GRIK1: variants seen among roughly 807,000 people sequenced by gnomAD.
GRIK1 encodes the protein glutamate ionotropic receptor kainate type subunit 1.
GRIK1 carries 69 observed loss-of-function variants against 105.7 expected under a neutral mutation model. That is an observed-to-expected ratio of 0.65 (90% confidence interval 0.54 to 0.80). The LOEUF is 0.80. Among genes scored for constraint, GRIK1 ranks in the 30% least tolerant of loss-of-function variants. GRIK1 has a pLI of 0.00. For synonymous variants in GRIK1, 438 were observed against 431.3 expected, an observed-to-expected ratio of 1.02 and a Z score of -0.19; for missense variants, 1,109 against 1,167.3, an observed-to-expected ratio of 0.95 and a Z score of 0.73.
intron 1 of GRIK1, among the ~76,000 whole-genome samples, chr21:29,844,414 T>A (rs1265545019): frequency 6.6e-6 from 1 of 152,186 alleles, no homozygotes; most frequent in Non-Finnish European, 1.5e-5. Flanking sequence ...AAGTTTTGAC[T>A]GCTGATTTGT....
At chr21:29,889,198 G>A (rs1277505765) in intron 1 of GRIK1, among the ~76,000 whole-genome samples, 2 of 152,116 alleles carry the variant, frequency 1.3e-5, no homozygotes, top group African/African-American at 4.8e-5. Flanking sequence ...TGAATAAAAT[G>A]CATGGACAAG....
At chr21:29,668,169 T>C (rs959586730) in intron 4 of GRIK1, among the ~76,000 whole-genome samples, 1 of 152,164 alleles carries the variant, frequency 6.6e-6, no homozygotes, top group African/African-American at 2.4e-5. Flanking sequence ...TAGTAGGTGC[T>C]AGGGATTTGG....
chr21:29,642,546 T>C (rs1366606554), intron 7 of GRIK1, among the ~76,000 whole-genome samples: 2 of 152,200 alleles, frequency 1.3e-5, no homozygotes, highest in Non-Finnish European at 2.9e-5. Flanking sequence ...CTTATGGACA[T>C]GTGTGGAGAG....
chr21:29,713,219 T>C (rs1163851575), intron 1 of GRIK1, among the ~76,000 whole-genome samples: 1 of 152,202 alleles, frequency 6.6e-6, no homozygotes, highest in Admixed American at 6.6e-5. Flanking sequence ...AAAAAAATTC[T>C]TAATGGGATT....
intron 1 of GRIK1, among the ~76,000 whole-genome samples, chr21:29,740,687 AATCT>A (rs2064904892): frequency 6.6e-6 from 1 of 152,188 alleles, no homozygotes; most frequent in Admixed American, 6.5e-5. Context: ...TATCTTTAAC[AATCT>A]ATTAGCCAAT....
At chr21:29,884,995 T>C (rs1569188637) in intron 1 of GRIK1, among the ~76,000 whole-genome samples, 1 of 152,086 alleles carries the variant, frequency 6.6e-6, no homozygotes, top group East Asian at 1.9e-4. Flanking sequence ...CATTTCAATA[T>C]TATTTTCATT....
chr21:29,637,624 A>G (rs2062423968), intron 7 of GRIK1, among the ~76,000 whole-genome samples: 2 of 152,188 alleles, frequency 1.3e-5, no homozygotes, highest in Non-Finnish European at 2.9e-5. Context: ...GACAAAGTGC[A>G]AGACAGCTGT....
intron 7 of GRIK1, among the ~76,000 whole-genome samples, chr21:29,621,829 C>A (rs2062010549): frequency 1.3e-5 from 2 of 152,198 alleles, no homozygotes; most frequent in African/African-American, 4.8e-5. Context: ...TTGGTAGGTT[C>A]CCAGGATCAT....
chr21:29,760,662 C>T (rs968027561), intron 1 of GRIK1, among the ~76,000 whole-genome samples: 2 of 152,242 alleles, frequency 1.3e-5, no homozygotes, highest in African/African-American at 4.8e-5. Context: ...TACAATAAAA[C>T]AGTACCGAAT....
chr21:29,651,732 A>G (rs971145297), intron 5 of GRIK1, among the ~76,000 whole-genome samples: 1 of 152,018 alleles, frequency 6.6e-6, no homozygotes, highest in African/African-American at 2.4e-5. Flanking sequence ...TAATTTATCA[A>G]TTAATCTTTA....
intron 1 of GRIK1, among the ~76,000 whole-genome samples, chr21:29,861,308 T>TC (rs1055280117): frequency 7.0e-5 from 2 of 28,700 alleles, no homozygotes; most frequent in Admixed American, 6.6e-4. Context: ...TTGTACTTAC[T>TC]CTTTTTTTTT....
intron 1 of GRIK1, among the ~76,000 whole-genome samples, chr21:29,842,711 G>T (rs1307227254): frequency 6.6e-6 from 1 of 152,074 alleles, no homozygotes; most frequent in African/African-American, 2.4e-5. Context: ...CAGACAAGTC[G>T]ACATTAACTT....
At chr21:29,670,281 TAA>T (rs1297337782) in intron 4 of GRIK1, among the ~76,000 whole-genome samples, 1 of 152,134 alleles carries the variant, frequency 6.6e-6, no homozygotes, top group Non-Finnish European at 1.5e-5. Flanking sequence ...CAAAACATGA[TAA>T]GAGAGAGGAT....
chr21:29,939,364 C>G lies in GRIK1; in HGVS notation c.118+19G>C. 7.3e-7 allele frequency: 1 copy of G among 1,374,448 alleles called. No individual in the cohort carries two copies. Among genetic ancestry groups the G allele is most frequent in the Non-Finnish European group, 1.0e-6 (1 of 985,792 alleles). 85.1% of individuals were successfully genotyped at this position (1,374,448 alleles called of 1,614,324 possible). A position where few individuals can be genotyped will look rare whatever the true frequency, so the allele number is the denominator to read the frequency against. ...CGACCGACCACGTCTCCCGAGCAGG[C>G]AGCCTGGGGCTCACTCACCGATCCT... On this transcript the variant is annotated intron_variant, in intron 1 of 17. Transcript: ENST00000327783.
intron 1 of GRIK1, among the ~76,000 whole-genome samples, chr21:29,932,374 A>G (rs1156542465): frequency 6.6e-6 from 1 of 152,124 alleles, no homozygotes; most frequent in African/African-American, 2.4e-5. Context: ...CTTAGATTTC[A>G]TTATGTACTT....
intron 1 of GRIK1, among the ~76,000 whole-genome samples, chr21:29,866,234 C>T (rs185563471): frequency 2.3e-3 from 354 of 152,128 alleles, no homozygotes; most frequent in Middle Eastern, 6.8e-3. Context: ...TATAGGTACA[C>T]ACCACCAAGC....
chr21:29,834,941 A>G, intron 1 of GRIK1, among the ~76,000 whole-genome samples: 1 of 151,114 alleles, frequency 6.6e-6, no homozygotes, highest in East Asian at 1.9e-4. Context: ...CTCTTGTCTT[A>G]CTTTCTCTTT....
intron 12 of GRIK1, among the ~76,000 whole-genome samples, chr21:29,585,115 G>T (rs2091102528): frequency 6.6e-6 from 1 of 152,012 alleles, no homozygotes. Flanking sequence ...AGAAGGCAGT[G>T]GAAGAGGAGA....
chr21:29,736,492 G>A (rs942282112), intron 1 of GRIK1, among the ~76,000 whole-genome samples: 2 of 152,066 alleles, frequency 1.3e-5, no homozygotes, highest in East Asian at 1.9e-4. Context: ...GCCTCCCAAA[G>A]TGCTGGGATT....
Sources: allele counts gnomAD v4.1 joint callset (sites outside exome capture counted in the v4.1 genomes callset), GRCh38; gene constraint gnomAD v4.1.1; transcripts MANE v1.5; gene names NCBI Gene and HGNC (gene_info 2026-07-23, HGNC 2026-07-21).